ERBB4: variants seen among roughly 807,000 people sequenced by gnomAD.
ERBB4 encodes receptor tyrosine-protein kinase erbB-4.
Under a neutral mutation model 158.0 loss-of-function variants are expected in ERBB4, and 42 were observed. The ratio of observed to expected loss-of-function variants is 0.27; its 90% CI spans 0.21 to 0.34. The LOEUF (loss-of-function observed/expected upper bound fraction) is 0.34. ERBB4 is among the 10% of genes least tolerant of loss of function. The pLI, the probability that ERBB4 is intolerant of heterozygous loss-of-function variation, is 1.00. For synonymous variants in ERBB4, 583 were observed against 558.7 expected (o/e 1.04, Z -0.61); for missense variants, 1,333 against 1,624.1 (o/e 0.82, Z 3.08).
At chr2:212,065,146 A>T (rs1376019017) in intron 2 of ERBB4, among the ~76,000 whole-genome samples, 5 of 151,950 alleles carry the variant, frequency 3.3e-5, no homozygotes, top group Non-Finnish European at 7.4e-5. Context: ...GTAGTTTCTC[A>T]ACAGGCCTTT....
At chr2:211,424,617 ATACCACGT>A (rs1410216737) in intron 22 of ERBB4, among the ~76,000 whole-genome samples, 1 of 152,110 alleles carries the variant, frequency 6.6e-6, no homozygotes, top group East Asian at 1.9e-4. Context: ...GATCCAAGTT[ATACCACGT>A]TACAGTCCAT....
At chr2:211,941,554 G>A (rs889376764) in intron 3 of ERBB4, among the ~76,000 whole-genome samples, 1 of 152,056 alleles carries the variant, frequency 6.6e-6, no homozygotes, top group South Asian at 2.1e-4. Context: ...TGGGGCAACA[G>A]GTGCTTGGCA....
intron 20 of ERBB4, among the ~76,000 whole-genome samples, chr2:211,466,257 T>C (rs2064684445): frequency 1.3e-5 from 2 of 151,878 alleles, no homozygotes; most frequent in South Asian, 4.1e-4. Flanking sequence ...GCAAAATGGT[T>C]GGGAAGCTTT....
At chr2:211,594,972 A>G (rs1245027892) in intron 19 of ERBB4, among the ~76,000 whole-genome samples, 1 of 152,204 alleles carries the variant, frequency 6.6e-6, no homozygotes, top group African/African-American at 2.4e-5. Flanking sequence ...TAATGAATTT[A>G]TTGTCAATCA....
chr2:212,147,229 C>T (rs1485029063), intron 1 of ERBB4, among the ~76,000 whole-genome samples: 1 of 126,216 alleles, frequency 7.9e-6, no homozygotes, highest in African/African-American at 3.0e-5. Context: ...TGGTCTCGAA[C>T]TCCTGTGCTC....
At chr2:212,203,534 T>A (rs950139988) in intron 1 of ERBB4, among the ~76,000 whole-genome samples, 1 of 152,176 alleles carries the variant, frequency 6.6e-6, no homozygotes, top group Admixed American at 6.5e-5. Flanking sequence ...TGGGAAAGTT[T>A]TGAAAATAAG....
rs2062500400 is a variant in ERBB4 at position 211,377,719 on chromosome 2, T to C, written c.*5896A>G. ...GAATAAAGCAAATAAGTTAATTTAC[T>C]GGCAAAAATAACTTCTTGGTTATAT... On this transcript the variant is annotated 3_prime_UTR_variant, in exon 28 of 28. Transcript: ENST00000342788. 1 of 232,338 alleles carries C rather than the reference T, an allele frequency of 4.3e-6. No homozygotes were observed. Among genetic ancestry groups the C allele is most frequent in the African/African-American group, 2.2e-5 (1 of 45,302 alleles). The allele number at this position is 232,338 out of a possible 1,614,324, so 14.4% of individuals were successfully genotyped here.
intron 2 of ERBB4, among the ~76,000 whole-genome samples, chr2:211,978,790 C>CA (rs2081705848): frequency 6.6e-6 from 1 of 152,130 alleles, no homozygotes; most frequent in Non-Finnish European, 1.5e-5. Flanking sequence ...TGGTGAACAT[C>CA]AAGGTGTTCT....
intron 19 of ERBB4, among the ~76,000 whole-genome samples, chr2:211,574,177 CT>C (rs2067824562): frequency 2.6e-5 from 4 of 152,128 alleles, no homozygotes; most frequent in Admixed American, 2.6e-4. Flanking sequence ...TCACTTTGAT[CT>C]TTTAAAGTCT....
At chr2:212,064,559 T>C (rs1003501932) in intron 2 of ERBB4, among the ~76,000 whole-genome samples, 11 of 152,162 alleles carry the variant, frequency 7.2e-5, no homozygotes, top group African/African-American at 2.7e-4. Flanking sequence ...CTCTTTTTCT[T>C]CTTTGCACTT....
chr2:212,273,499 C>T (rs1646466415), intron 1 of ERBB4, among the ~76,000 whole-genome samples: 1 of 151,768 alleles, frequency 6.6e-6, no homozygotes, highest in African/African-American at 2.4e-5. Flanking sequence ...TACAAGCCAG[C>T]CATTCATGGA....
chr2:212,211,929 A>G (rs1204054825), intron 1 of ERBB4, among the ~76,000 whole-genome samples: 1 of 146,532 alleles, frequency 6.8e-6, no homozygotes, highest in East Asian at 1.9e-4. Flanking sequence ...TCCATGTTGT[A>G]TATGTACCAC....
intron 1 of ERBB4, among the ~76,000 whole-genome samples, chr2:212,246,276 A>G (rs1401661304): frequency 2.0e-5 from 3 of 152,222 alleles, no homozygotes; most frequent in African/African-American, 7.2e-5. Context: ...TTGTTTTAAA[A>G]GCTTGAATTA....
intron 20 of ERBB4, among the ~76,000 whole-genome samples, chr2:211,466,058 A>C (rs936191459): frequency 6.6e-6 from 1 of 152,162 alleles, no homozygotes; most frequent in African/African-American, 2.4e-5. Context: ...AAAGGGTAGG[A>C]AGCAAAGTAG....
intron 3 of ERBB4, among the ~76,000 whole-genome samples, chr2:211,799,659 T>C (rs1362669862): frequency 6.6e-6 from 1 of 152,158 alleles, no homozygotes; most frequent in East Asian, 1.9e-4. Flanking sequence ...CTCTTCTCTA[T>C]AAAATGGTGA....
intron 1 of ERBB4, among the ~76,000 whole-genome samples, chr2:212,501,641 T>C: frequency 6.6e-6 from 1 of 152,290 alleles, no homozygotes; most frequent in South Asian, 2.1e-4. Context: ...TCTTGAAATA[T>C]TTGCTCCAGT....
chr2:212,048,090 T>C (rs2125388574), intron 2 of ERBB4, among the ~76,000 whole-genome samples: 1 of 152,214 alleles, frequency 6.6e-6, no homozygotes, highest in South Asian at 2.1e-4. Context: ...GAAGAAAAAG[T>C]TCAGAAGATA....
At chr2:212,097,306 G>A (rs984368577) in intron 2 of ERBB4, among the ~76,000 whole-genome samples, 1 of 152,038 alleles carries the variant, frequency 6.6e-6, no homozygotes, top group African/African-American at 2.4e-5. Context: ...CTTTTATGAG[G>A]AGGTAACATG....
intron 12 of ERBB4, among the ~76,000 whole-genome samples, chr2:211,683,761 A>G (rs1473006056): frequency 1.3e-5 from 2 of 151,676 alleles, no homozygotes; most frequent in African/African-American, 4.8e-5. Context: ...TTTTTAAGAA[A>G]GTAGCAAACT....
Sources: gnomAD v4.1 joint callset for allele counts (sites outside exome capture counted in the v4.1 genomes callset) on GRCh38, gnomAD v4.1.1 for gene constraint, MANE v1.5 for transcripts, NCBI Gene and HGNC (gene_info 2026-07-23, HGNC 2026-07-21) for gene names.